Variants in ELFN1 observed in about 807,000 individuals in gnomAD.
The protein encoded by ELFN1 is protein ELFN1.
ELFN1 carries 6 observed loss-of-function variants against 7.6 expected under a neutral mutation model. The ratio of observed to expected loss-of-function variants is 0.79; its 90% CI spans 0.43 to 1.56. The LOEUF (loss-of-function observed/expected upper bound fraction) is 1.56, where lower values mean the gene tolerates loss of function less well. ELFN1 is among the 40% of genes most tolerant of loss of function. The probability of loss-of-function intolerance (pLI) is 0.01; values close to 1 mark genes in which losing one functional copy is unlikely to be tolerated. For missense variants in ELFN1, 1,169 were observed against 1,232.2 expected (o/e 0.95, Z 0.77); for synonymous variants, 657 against 588.1 (o/e 1.12, Z -1.70).
chr7:1,670,038 C>G (rs1778732031), upstream of ELFN1, among the ~76,000 whole-genome samples: 1 of 151,172 alleles, frequency 6.6e-6, no homozygotes, highest in South Asian at 2.1e-4. The surrounding 1 kb of genome is among the most constrained non-coding windows in gnomAD (Gnocchi z 6.4). Context: ...GAGCAGGGGG[C>G]TCGGGAGGCC....
At chr7:1,713,433 C>A (rs1246991642) in intron 3 of ELFN1, among the ~76,000 whole-genome samples, 2 of 152,188 alleles carry the variant, frequency 1.3e-5, no homozygotes, top group Admixed American at 1.3e-4. Flanking sequence ...TAGGGACATC[C>A]TTTTGTCACT....
rs1207718328 is a variant in ELFN1, at chr7:1,745,454, C to T, written c.858C>T (p.Asp286=). The T allele has an allele frequency of 5.2e-6, 8 of 1,540,916 alleles. No homozygotes were observed. The South Asian group carries it at 7.1e-5, about 14-fold the overall frequency. The change falls in exon 4 of 4, where the codon GAC becomes GAT. Residue 286 remains aspartate, a synonymous_variant. Coordinates refer to ENST00000424383, the MANE Select transcript of ELFN1 (RefSeq NM_001128636.4). Reference sequence around the variant, plus strand: ...CCCCGCCTCCGCCGGAGCCCAGTGACATGCCCTGTGCCGATGATGAGTGCT... The same window carrying T: ...CCCCGCCTCCGCCGGAGCCCAGTGATATGCCCTGTGCCGATGATGAGTGCT... ...PPPPPPPEPS[D]MPCADDECFS... is the part of the protein sequence containing the mutation.
chr7:1,733,540 G>A (rs1324138003), intron 3 of ELFN1, among the ~76,000 whole-genome samples: 1 of 152,110 alleles, frequency 6.6e-6, no homozygotes, highest in African/African-American at 2.4e-5. Context: ...TTCCGACTGT[G>A]GAAACATCCT....
At chr7:1,714,592 G>T (rs888426933) in intron 3 of ELFN1, among the ~76,000 whole-genome samples, 15 of 152,178 alleles carry the variant, frequency 9.9e-5, no homozygotes, top group Non-Finnish European at 2.1e-4. Flanking sequence ...ATTCTAGTTG[G>T]ATGCTGTAGC....
intron 3 of ELFN1, among the ~76,000 whole-genome samples, chr7:1,721,489 C>A (rs755671129): frequency 2.0e-5 from 3 of 152,224 alleles, no homozygotes; most frequent in Admixed American, 6.5e-5. Flanking sequence ...CCTAGCGTGG[C>A]GTCTGGCACA....
At chr7:1,683,311 A>T (rs914425085) in intron 1 of ELFN1, among the ~76,000 whole-genome samples, 1 of 151,846 alleles carries the variant, frequency 6.6e-6, no homozygotes, top group Non-Finnish European at 1.5e-5. Flanking sequence ...TTTGTTTTTT[A>T]ACTTGTTATG....
In ELFN1 at chr7:1,747,600, A is replaced by G. The variant is rs9177; in HGVS notation, c.*517A>G. 0.47 allele frequency: 77,042 copies of G among 165,446 alleles called. 18,123 individuals carry two copies. Among genetic ancestry groups the G allele is most frequent in the Admixed American group, 0.58 (8,809 of 15,298 alleles). The allele number at this position is 165,446 out of a possible 1,614,324, so 10.2% of individuals were successfully genotyped here. ...GTGGTTTTCTGTGGATTCTCTGTCC[A>G]GTCCGTCTCTTCATTGCCGCCTCCG... On this transcript the variant is annotated 3_prime_UTR_variant, in exon 4 of 4. Transcript: ENST00000424383.
upstream of ELFN1, among the ~76,000 whole-genome samples, chr7:1,667,461 G>A (rs1288840978): frequency 6.6e-6 from 1 of 152,164 alleles, no homozygotes; most frequent in Non-Finnish European, 1.5e-5. This position sits in a 1 kb window ranked among gnomAD's most constrained non-coding sequence, Gnocchi z 8.2. Context: ...CGGGCGGCGT[G>A]TGCAGGGAGG....
intron 3 of ELFN1, among the ~76,000 whole-genome samples, chr7:1,731,561 A>G (rs1358123008): frequency 6.6e-6 from 1 of 152,244 alleles, no homozygotes; most frequent in Non-Finnish European, 1.5e-5. Context: ...TGACAAGAGG[A>G]TGTATTCACC....
chr7:1,703,972 G>A (rs757892055), intron 2 of ELFN1, among the ~76,000 whole-genome samples: 3 of 152,186 alleles, frequency 2.0e-5, no homozygotes, highest in South Asian at 2.1e-4. Context: ...TACAAATCCC[G>A]GCTCTTCTGT....
chr7:1,712,146 G>A (rs185446931), intron 3 of ELFN1, among the ~76,000 whole-genome samples: 28 of 152,294 alleles, frequency 1.8e-4, no homozygotes, highest in Admixed American at 7.2e-4. Flanking sequence ...TCCCTTTGCC[G>A]GAAACACCCT....
chr7:1,720,474 G>A (rs547675818), intron 3 of ELFN1, among the ~76,000 whole-genome samples: 8 of 152,366 alleles, frequency 5.3e-5, no homozygotes, highest in Middle Eastern at 3.4e-3. Context: ...AGAGAACACC[G>A]AGGCCATGAG....
At chr7:1,678,728 C>T (rs1298945953) in intron 1 of ELFN1, among the ~76,000 whole-genome samples, 1 of 152,236 alleles carries the variant, frequency 6.6e-6, no homozygotes, top group African/African-American at 2.4e-5. Flanking sequence ...GACCCTGAGC[C>T]TCGGCTCTCA....
At chr7:1,725,374 GGCGC>G (rs1780159370) in intron 3 of ELFN1, among the ~76,000 whole-genome samples, 1 of 152,134 alleles carries the variant, frequency 6.6e-6, no homozygotes, top group Non-Finnish European at 1.5e-5. Context: ...GACGGGACAG[GGCGC>G]AGGCGAGGCC....
Position 1,746,288 on chromosome 7 carries a change from G to A in ELFN1, c.1692G>A (p.Lys564=), listed in dbSNP as rs1242626902. Residue 564 remains lysine (K), a synonymous_variant, in exon 4 of 4, where the codon AAG becomes AAA. Transcript: ENST00000424383. ...CCACCATCGCCAAGGAGGTGGACAA[G>A]GTCAACCAGATCATCAACAACTGCA... ...EISTIAKEVD[K]VNQIINNCID... is the part of the protein sequence containing the mutation. 6.3e-7 allele frequency: 1 copy of A among 1,596,278 alleles called. No homozygotes were observed. Among genetic ancestry groups the A allele is most frequent in the Admixed American group, 1.7e-5 (1 of 57,818 alleles).
intron 1 of ELFN1, among the ~76,000 whole-genome samples, chr7:1,686,890 TC>T (rs1189258470): frequency 6.6e-6 from 1 of 152,142 alleles, no homozygotes; most frequent in Non-Finnish European, 1.5e-5. Context: ...TCCCAGCTAG[TC>T]TACTGGTGTA....
chr7:1,704,161 G>A (rs1444481288), intron 2 of ELFN1, among the ~76,000 whole-genome samples: 2 of 152,226 alleles, frequency 1.3e-5, no homozygotes, highest in African/African-American at 4.8e-5. Flanking sequence ...TGTTACGGCT[G>A]CCACTCAGGA....
chr7:1,717,039 G>A (rs992000964), intron 3 of ELFN1, among the ~76,000 whole-genome samples: 10 of 152,214 alleles, frequency 6.6e-5, no homozygotes, highest in Non-Finnish European at 1.5e-4. Flanking sequence ...AGAGCATGCA[G>A]GAGGGAGGAG....
chr7:1,730,594 A>G (rs769544471), intron 3 of ELFN1, among the ~76,000 whole-genome samples: 19 of 152,384 alleles, frequency 1.2e-4, no homozygotes, highest in Middle Eastern at 6.8e-3. Context: ...CACATTCATA[A>G]TGACGAAAGG....
Sources: allele counts gnomAD v4.1 joint callset (sites outside exome capture counted in the v4.1 genomes callset), GRCh38; gene constraint gnomAD v4.1.1; non-coding constraint Gnocchi (gnomAD v3.1); transcripts MANE v1.5; gene names NCBI Gene and HGNC (gene_info 2026-07-23, HGNC 2026-07-21).